The following SND1 variants were observed in gnomAD, a reference collection of about 807,000 sequenced individuals.
SND1 encodes staphylococcal nuclease domain-containing protein 1.
In SND1, 38 loss-of-function variants were observed where a neutral mutation model predicts 121.7. The observed-to-expected ratio is 0.31, with a 90% confidence interval of 0.24 to 0.41. The LOEUF is 0.41. Ranked by LOEUF, SND1 falls within the 10% of genes least tolerant of loss-of-function variation. SND1 has a pLI of 1.00. For synonymous variants in SND1, 401 were observed against 447.4 expected (o/e 0.90, Z 1.31); for missense variants, 868 against 1,184.6 (o/e 0.73, Z 3.92).
At chr7:128,088,572 C>T (rs1793724950) in intron 21 of SND1, among the ~76,000 whole-genome samples, 1 of 151,364 alleles carries the variant, frequency 6.6e-6, no homozygotes, top group African/African-American at 2.4e-5. Context: ...CCCACCTCAG[C>T]CTTCCGAGTA....
chr7:127,900,850 GAGA>G (rs369601727), intron 13 of SND1, among the ~76,000 whole-genome samples: 126 of 152,296 alleles, frequency 8.3e-4, no homozygotes, highest in Non-Finnish European at 1.7e-3. Flanking sequence ...CTGCATCTTG[GAGA>G]AGAAAGCTGC....
At chr7:127,709,344 C>T (rs1796259801) in intron 9 of SND1, among the ~76,000 whole-genome samples, 1 of 152,144 alleles carries the variant, frequency 6.6e-6, no homozygotes, top group Non-Finnish European at 1.5e-5. Context: ...TTCAATTTTT[C>T]GCCATCTTCA....
chr7:127,904,876 A>G (rs1800305193), intron 14 of SND1, 57 bp downstream of exon 14: 1 of 1,101,174 alleles, frequency 9.1e-7, no homozygotes, highest in Non-Finnish European at 1.4e-6. Context: ...GCGTGTCTGC[A>G]TATTTGCTGA....
chr7:128,090,636 C>A (rs1793762670), intron 22 of SND1, among the ~76,000 whole-genome samples: 1 of 152,182 alleles, frequency 6.6e-6, no homozygotes, highest in Admixed American at 6.5e-5. Context: ...AAACACTTTC[C>A]TCCTCTTCAT....
rs574031951 is a variant in SND1, at chr7:127,768,167, T to C, written c.1153-39317T>C. Among the ~76,000 whole-genome samples the C allele has an allele frequency of 1.9e-4, 29 of 152,312 alleles. No homozygotes were observed. In the East Asian group the frequency reaches 4.1e-3, roughly 21 times the overall value. ...CTCTCACCACCTCATTAGCGGCCTG[T>C]CACCTTCCATCTTTCGTTATTAGAG... On this transcript the variant is annotated intron_variant, in intron 10 of 23. Transcript: ENST00000354725.
chr7:127,990,086 G>C (rs1257051690), intron 15 of SND1, among the ~76,000 whole-genome samples: 1 of 152,154 alleles, frequency 6.6e-6, no homozygotes, highest in African/African-American at 2.4e-5. Flanking sequence ...CATGGGAATT[G>C]CTAAGAGTGA....
At chr7:127,728,325 A>C (rs1796617073) in intron 10 of SND1, among the ~76,000 whole-genome samples, 2 of 151,740 alleles carry the variant, frequency 1.3e-5, no homozygotes, top group Admixed American at 1.3e-4. Flanking sequence ...TCTTCCTTTA[A>C]TCATCACTAT....
intron 16 of SND1, among the ~76,000 whole-genome samples, chr7:128,050,067 G>T (rs774612386): frequency 6.6e-6 from 1 of 152,168 alleles, no homozygotes; most frequent in South Asian, 2.1e-4. Flanking sequence ...CTGGGTTTTC[G>T]TAAGAAGACT....
At chr7:128,088,095 G>T (rs907215108) in intron 21 of SND1, among the ~76,000 whole-genome samples, 1 of 152,152 alleles carries the variant, frequency 6.6e-6, no homozygotes, top group Non-Finnish European at 1.5e-5. Context: ...GTTGCTGAAG[G>T]TCAGGAGAGA....
chr7:128,011,534 C>G lies in SND1; in HGVS notation c.1779+20478C>G, dbSNP rs545462845. Among the ~76,000 whole-genome samples, 8 of 152,314 alleles carry G rather than the reference C, an allele frequency of 5.3e-5. No homozygotes were observed. The South Asian group carries it at 1.7e-3, about 32-fold the overall frequency. On this transcript the variant is annotated intron_variant, in intron 16 of 23. Coordinates refer to ENST00000354725, the MANE Select transcript of SND1 (RefSeq NM_014390.4). Reference sequence around the variant, plus strand: ...ATGTGATCAGGGGCTAAAGGACATTCGCAGAGCTTGCTTCAGATCCCAGAG... The same window carrying G: ...ATGTGATCAGGGGCTAAAGGACATTGGCAGAGCTTGCTTCAGATCCCAGAG...
At chr7:127,784,670 C>T (rs1797780189) in intron 10 of SND1, among the ~76,000 whole-genome samples, 1 of 152,196 alleles carries the variant, frequency 6.6e-6, no homozygotes. Flanking sequence ...ACTATAAGCT[C>T]TCCCTTGTTC....
intron 9 of SND1, among the ~76,000 whole-genome samples, chr7:127,710,776 A>G (rs945351079): frequency 6.6e-6 from 1 of 152,168 alleles, no homozygotes; most frequent in African/African-American, 2.4e-5. Flanking sequence ...CCTTCATACC[A>G]TGGAAGAGGA....
chr7:127,960,943 A>G (rs1801716792), intron 15 of SND1, among the ~76,000 whole-genome samples: 1 of 152,208 alleles, frequency 6.6e-6, no homozygotes, highest in Non-Finnish European at 1.5e-5. Flanking sequence ...TTGGGAGAAG[A>G]ATTTTTTAGT....
intron 16 of SND1, among the ~76,000 whole-genome samples, chr7:128,059,564 T>C (rs1048550279): frequency 1.3e-5 from 2 of 152,234 alleles, no homozygotes; most frequent in African/African-American, 4.8e-5. Flanking sequence ...ACCCTAATCA[T>C]TTTTTGAATG....
At chr7:127,826,073 C>T (rs1245414045) in intron 11 of SND1, among the ~76,000 whole-genome samples, 1 of 152,136 alleles carries the variant, frequency 6.6e-6, no homozygotes, top group Non-Finnish European at 1.5e-5. Context: ...TGCCCATAAT[C>T]CCAGCTACTT....
intron 12 of SND1, among the ~76,000 whole-genome samples, chr7:127,874,571 C>T (rs1198154507): frequency 1.3e-5 from 2 of 151,722 alleles, no homozygotes; most frequent in Non-Finnish European, 2.9e-5. Context: ...TTCACACTCC[C>T]CATACTGATA....
In SND1 at chr7:128,084,788, G is replaced by A. The variant is rs767650100; in HGVS notation, c.2175G>A (p.Glu725=). ...ACATTGCCAGTCACCCCCCTGTAGAGGGCTCCTATGCCCCCCGCAGGGGAG... is the reference window on the plus strand; with the variant it reads ...ACATTGCCAGTCACCCCCCTGTAGAAGGCTCCTATGCCCCCCGCAGGGGAG... ...RNDIASHPPV[E]GSYAPRRGEF... Residue 725 remains glutamate (E), a synonymous_variant, in exon 19 of 24, where the codon GAG becomes GAA. Transcript: ENST00000354725. 5.0e-6 allele frequency: 8 copies of A among 1,610,316 alleles called. No individual in the cohort carries two copies. In the Admixed American group the frequency reaches 1.3e-4, roughly 27 times the overall value.
chr7:127,767,848 A>G (rs1797448217), intron 10 of SND1, among the ~76,000 whole-genome samples: 1 of 152,194 alleles, frequency 6.6e-6, no homozygotes, highest in African/African-American at 2.4e-5. Context: ...CCAGACATAT[A>G]TGGTATATCA....
At chr7:127,755,135 A>C (rs992647779) in intron 10 of SND1, among the ~76,000 whole-genome samples, 1 of 152,134 alleles carries the variant, frequency 6.6e-6, no homozygotes, top group African/African-American at 2.4e-5. Flanking sequence ...AGTGTATATT[A>C]TAACTGATAT....
Sources: allele counts gnomAD v4.1 joint callset (sites outside exome capture counted in the v4.1 genomes callset), GRCh38; gene constraint gnomAD v4.1.1; transcripts MANE v1.5; gene names NCBI Gene and HGNC (gene_info 2026-07-23, HGNC 2026-07-21).